The following EEA1 variants were observed in gnomAD, a reference collection of about 807,000 sequenced individuals.
The protein encoded by EEA1 is early endosome antigen 1, 162kD.
Under a neutral mutation model 209.2 loss-of-function variants are expected in EEA1, and 111 were observed. The ratio of observed to expected loss-of-function variants is 0.53; its 90% CI spans 0.45 to 0.62. The LOEUF (loss-of-function observed/expected upper bound fraction) is 0.62, where lower values mean the gene tolerates loss of function less well. EEA1 is among the 20% of genes least tolerant of loss of function. The pLI is 0.00. For missense variants in EEA1, 1,343 were observed against 1,530.8 expected (o/e 0.88, Z 2.05); for synonymous variants, 536 against 540.6 (o/e 0.99, Z 0.12).
intron 1 of EEA1, among the ~76,000 whole-genome samples, chr12:92,922,588 T>C (rs1881048416): frequency 6.6e-6 from 1 of 152,178 alleles, no homozygotes. Flanking sequence ...AAGTAGTCAA[T>C]ATATACTACT....
chr12:92,906,910 T>G (rs1880407173), intron 1 of EEA1, among the ~76,000 whole-genome samples: 1 of 152,174 alleles, frequency 6.6e-6, no homozygotes, highest in Non-Finnish European at 1.5e-5. Flanking sequence ...TAGAAAGATT[T>G]TCACAAAAAG....
chr12:92,790,078 A>T (rs144380311), intron 21 of EEA1, among the ~76,000 whole-genome samples: 1 of 152,230 alleles, frequency 6.6e-6, no homozygotes, highest in South Asian at 2.1e-4. Context: ...AGAAAGGAAT[A>T]ACATCAACAT....
chr12:92,853,124 A>G (rs886511464), intron 6 of EEA1, 99 bp from the exon 7 acceptor site: 21 of 745,344 alleles, frequency 2.8e-5, no homozygotes, highest in Non-Finnish European at 3.8e-5. Context: ...GATCAACTTA[A>G]GTTTATTATC....
At position 92,819,258 on chromosome 12, in the gene EEA1, TAG is replaced by T. The variant is rs762527271; in HGVS notation, c.1728+48_1728+49del. The stretch of plus-strand genomic sequence containing the variant: ...TTTAAATAAAGCACTTAGTAAGACT[TAG>T]AGAGACAGAAGTAAATTTTACAAAT... On this transcript the variant is annotated intron_variant, in intron 14 of 28. Transcript: ENST00000322349. 14 of 1,437,008 alleles carry T rather than the reference TAG, an allele frequency of 9.7e-6. No homozygotes were observed. The Admixed American group carries it at 3.0e-4, about 30-fold the overall frequency. The allele number at this position is 1,437,008 out of a possible 1,614,324, so 89.0% of individuals were successfully genotyped here.
At chr12:92,923,177 C>A (rs1481574478) in intron 1 of EEA1, among the ~76,000 whole-genome samples, 1 of 151,592 alleles carries the variant, frequency 6.6e-6, no homozygotes, top group Non-Finnish European at 1.5e-5. Flanking sequence ...GAAACCCTGT[C>A]TCTACTAAAA....
In EEA1 at chr12:92,785,360, C is replaced by G. The variant is rs1005418017; in HGVS notation, c.3150+2507G>C. On this transcript the variant is annotated intron_variant, in intron 22 of 28. Transcript: ENST00000322349. ...GGTATATACACTGTTAGCCCATGCTCTACACTGTCAACCCATGGTAGATAG... is the reference window on the plus strand; with the variant it reads ...GGTATATACACTGTTAGCCCATGCTGTACACTGTCAACCCATGGTAGATAG... 2.0e-5 allele frequency among the ~76,000 whole-genome samples: 3 copies of G among 152,198 alleles called. No homozygotes were observed. In the East Asian group the frequency reaches 5.8e-4, roughly 29 times the overall value.
rs184675943 is a variant in EEA1 at position 92,795,196 on chromosome 12, T to C, written c.2967+3696A>G. Among the ~76,000 whole-genome samples, 4 of 152,334 alleles carry C rather than the reference T, an allele frequency of 2.6e-5. No homozygotes were observed. In the East Asian group the frequency reaches 7.7e-4, roughly 29 times the overall value. ...AAATGATCTGGCCCCTGTCTAATTA[T>C]CTGAGCTCATCTCATGTTACCTTCT... On this transcript the variant is annotated intron_variant, in intron 21 of 28. Coordinates refer to ENST00000322349, the MANE Select transcript of EEA1 (RefSeq NM_003566.4).
intron 2 of EEA1, among the ~76,000 whole-genome samples, chr12:92,889,899 G>A (rs1048365905): frequency 1.3e-5 from 2 of 152,152 alleles, no homozygotes; most frequent in South Asian, 4.1e-4. Context: ...GGGCAATAGA[G>A]TGAGACTCTG....
At position 92,925,360 on chromosome 12, in the gene EEA1, G is replaced by A. The variant is rs746662260; in HGVS notation, c.24+3683C>T. On this transcript the variant is annotated intron_variant, in intron 1 of 28. Transcript: ENST00000322349. ...CTCCCAAGTAGTTGGGACTACAGGC[G>A]TGCACCACGATGCCCGGCTAATTTT... is the stretch of plus-strand genomic sequence containing the variant. Among the ~76,000 whole-genome samples, 7 of 152,044 alleles carry A rather than the reference G, an allele frequency of 4.6e-5. No individual in the cohort carries two copies. The South Asian group carries it at 6.2e-4, about 14-fold the overall frequency.
At chr12:92,825,609 T>C (rs1389339942) in intron 13 of EEA1, among the ~76,000 whole-genome samples, 1 of 152,062 alleles carries the variant, frequency 6.6e-6, no homozygotes. Context: ...CAAACAATTA[T>C]ATTTTCTACA....
intron 21 of EEA1, among the ~76,000 whole-genome samples, chr12:92,788,953 T>A (rs1175637652): frequency 2.6e-5 from 4 of 151,826 alleles, no homozygotes; most frequent in Non-Finnish European, 4.4e-5. Flanking sequence ...CACCCCAGAG[T>A]TCTATTGCTG....
At chr12:92,820,755 G>GTATA (rs34228902) in intron 13 of EEA1, among the ~76,000 whole-genome samples, 72 of 147,768 alleles carry the variant, frequency 4.9e-4, no homozygotes, top group Middle Eastern at 3.4e-3. Flanking sequence ...AGAGCTTAAA[G>GTATA]TATATATATA....
intron 3 of EEA1, chr12:92,859,394 G>T: frequency 1.6e-6 from 1 of 638,886 alleles, no homozygotes; most frequent in Non-Finnish European, 2.8e-6. Flanking sequence ...CTGATCAGTT[G>T]TAGTCACTCT....
At chr12:92,851,865 T>C (rs1012570580) in intron 8 of EEA1, among the ~76,000 whole-genome samples, 2 of 152,100 alleles carry the variant, frequency 1.3e-5, no homozygotes, top group South Asian at 2.1e-4. Context: ...TAAAAGCAGA[T>C]GGATTTATAA....
intron 9 of EEA1, among the ~76,000 whole-genome samples, chr12:92,847,373 T>C (rs1468069995): frequency 6.6e-6 from 1 of 152,246 alleles, no homozygotes; most frequent in East Asian, 1.9e-4. Flanking sequence ...TTAAGTCCTA[T>C]AATTCACTAA....
chr12:92,777,632 G>A lies in EEA1; in HGVS notation c.3925C>T (p.Leu1309Phe), dbSNP rs774904619. 6.2e-7 allele frequency: 1 copy of A among 1,612,020 alleles called. No individual in the cohort carries two copies. Among genetic ancestry groups the A allele is most frequent in the East Asian group, 2.2e-5 (1 of 44,762 alleles). The change falls in exon 27 of 29, where the codon CTT becomes TTT. Residue 1309 changes from leucine to phenylalanine, a missense_variant. Leu to Phe is a conservative substitution (Grantham distance 22). Transcript: ENST00000322349. The part of the protein sequence containing the change: ...CLKGEGEIEK[L>F]QTKVLELQRK... ...TGCAATTCTAATACTTTGGTTTGAA[G>A]CTTTTCTATTTCACCTTCTCCTTTA...
rs1877657526 is a variant in EEA1 at position 92,852,163 on chromosome 12, T to C, written c.642+12A>G. On this transcript the variant is annotated intron_variant, in intron 8 of 28. Transcript: ENST00000322349. ...TATAAGAGTACATCTCAATAAATAA[T>C]TCCTAAATTACCAGTTCCGTCTTCA... 6.4e-7 allele frequency: 1 copy of C among 1,568,422 alleles called. No individual in the cohort carries two copies. Among genetic ancestry groups the C allele is most frequent in the Non-Finnish European group, 8.6e-7 (1 of 1,162,188 alleles).
chr12:92,920,837 G>T (rs1415876495), intron 1 of EEA1, among the ~76,000 whole-genome samples: 2 of 150,080 alleles, frequency 1.3e-5, no homozygotes, highest in East Asian at 2.0e-4. Flanking sequence ...GAAAATTTTC[G>T]CAACCTACTC....
At chr12:92,927,085 C>T (rs552149359) in intron 1 of EEA1, among the ~76,000 whole-genome samples, 1 of 152,292 alleles carries the variant, frequency 6.6e-6, no homozygotes, top group South Asian at 2.1e-4. Context: ...TTCAAACTTT[C>T]CTACTAAAGA....
Sources: gnomAD v4.1 joint callset for allele counts (sites outside exome capture counted in the v4.1 genomes callset) on GRCh38, gnomAD v4.1.1 for gene constraint, MANE v1.5 for transcripts, NCBI Gene and HGNC (gene_info 2026-07-23, HGNC 2026-07-21) for gene names.